MINDY2: variants seen among roughly 807,000 people sequenced by gnomAD.
The protein encoded by MINDY2 is ubiquitin carboxyl-terminal hydrolase MINDY-2.
A neutral mutation model predicts 68.2 loss-of-function variants in MINDY2; 52 were observed. The observed-to-expected ratio is 0.76, with a 90% confidence interval of 0.61 to 0.96. The LOEUF is 0.96. MINDY2 is among the 40% of genes least tolerant of loss of function. The pLI is 0.00. For missense variants in MINDY2, 881 were observed against 773.4 expected, an observed-to-expected ratio of 1.14 and a Z score of -1.65; for synonymous variants, 372 against 303.0, an observed-to-expected ratio of 1.23 and a Z score of -2.36.
intron 5 of MINDY2, among the ~76,000 whole-genome samples, chr15:58,827,254 C>A (rs139055514): frequency 4.3e-4 from 65 of 152,254 alleles, no homozygotes; most frequent in South Asian, 4.1e-3. Flanking sequence ...ATTCTTTGAA[C>A]TGTGTGAATA....
rs2140892491 is a variant in MINDY2 at position 58,860,869 on chromosome 15, A to G, written c.*6259A>G. 1 of 152,302 alleles carries G rather than the reference A, an allele frequency of 6.6e-6. No individual in the cohort carries two copies. Among genetic ancestry groups the G allele is most frequent in the Admixed American group, 6.5e-5 (1 of 15,296 alleles). The allele number at this position is 152,302 out of a possible 1,614,324, so 9.4% of individuals were successfully genotyped here. A position where few individuals can be genotyped will look rare whatever the true frequency, so the allele number is the denominator to read the frequency against. On this transcript the variant is annotated 3_prime_UTR_variant, in exon 9 of 9. Transcript: ENST00000559228. The stretch of plus-strand genomic sequence containing the variant: ...AATAAGCAGTTTTTTCAGGGTACAT[A>G]GGGTATCTTTGTTTTACAGATTTTT...
chr15:58,822,269 G>C (rs1202624177), intron 5 of MINDY2, among the ~76,000 whole-genome samples: 2 of 151,284 alleles, frequency 1.3e-5, no homozygotes, highest in Non-Finnish European at 2.9e-5. Context: ...AAAAAAAGAA[G>C]AAGAAGTAAT....
intron 6 of MINDY2, among the ~76,000 whole-genome samples, chr15:58,840,200 A>G (rs546555387): frequency 3.9e-4 from 59 of 152,312 alleles, no homozygotes; most frequent in African/African-American, 1.3e-3. Context: ...TGTGTAATCA[A>G]ACTGATCCAT....
At chr15:58,848,896 T>C (rs2032674847) in intron 7 of MINDY2, among the ~76,000 whole-genome samples, 1 of 152,068 alleles carries the variant, frequency 6.6e-6, no homozygotes, top group Non-Finnish European at 1.5e-5. Context: ...GCGAGATTTT[T>C]CTAAGCATTA....
chr15:58,847,573 T>C, intron 7 of MINDY2, 103 bp downstream of exon 7: 1 of 965,336 alleles, frequency 1.0e-6, no homozygotes, highest in Non-Finnish European at 1.5e-6. Context: ...TTCATCAATA[T>C]GCTTGTGAAA....
chr15:58,794,137 A>G (rs1350863184), intron 2 of MINDY2, among the ~76,000 whole-genome samples: 1 of 151,968 alleles, frequency 6.6e-6, no homozygotes, highest in East Asian at 1.9e-4. Flanking sequence ...GGAGGAATCT[A>G]AGGTATGAAG....
rs776928267 is a variant in MINDY2 at position 58,820,542 on chromosome 15, A to G, written c.1123-1175A>G. The stretch of plus-strand genomic sequence containing the variant: ...AATTAACTGATTGTTTACTCAACCA[A>G]TCATCAGTTCCAGTTGTATGAGTTA... On this transcript the variant is annotated intron_variant, in intron 4 of 8. Coordinates refer to ENST00000559228, the MANE Select transcript of MINDY2 (RefSeq NM_001040450.3). Among the ~76,000 whole-genome samples the G allele has an allele frequency of 6.3e-4, 96 of 152,288 alleles. 2 individuals are homozygous for G. The Middle Eastern group carries it at 0.014, about 22-fold the overall frequency.
In MINDY2 at chr15:58,858,773, C is replaced by G. The variant is rs1180022612; in HGVS notation, c.*4163C>G. 1.3e-5 allele frequency: 2 copies of G among 152,058 alleles called. No individual in the cohort carries two copies. Among genetic ancestry groups the G allele is most frequent in the East Asian group, 1.9e-4 (1 of 5,200 alleles). The allele number at this position is 152,058 out of a possible 1,614,324, so 9.4% of individuals were successfully genotyped here. A position where few individuals can be genotyped will look rare whatever the true frequency, so the allele number is the denominator to read the frequency against. ...GCATAAACTTATAATAGTAAAATTA[C>G]TAATGTTTGATAAAATAAGATGGAG... On this transcript the variant is annotated 3_prime_UTR_variant, in exon 9 of 9. Transcript: ENST00000559228.
rs576563443 is a variant in MINDY2 at position 58,813,213 on chromosome 15, C to T, written c.1122+2825C>T. The stretch of plus-strand genomic sequence containing the variant: ...GTTAAAGAGCATCTGGGTGTTTTCC[C>T]GCCGGGCACGGTGGCTCACGCCTGT... On this transcript the variant is annotated intron_variant, in intron 4 of 8. Coordinates refer to ENST00000559228, the MANE Select transcript of MINDY2 (RefSeq NM_001040450.3). 1.6e-4 allele frequency among the ~76,000 whole-genome samples: 25 copies of T among 152,002 alleles called. No homozygotes were observed. In the East Asian group the frequency reaches 2.5e-3, roughly 15 times the overall value.
intron 4 of MINDY2, among the ~76,000 whole-genome samples, chr15:58,814,986 T>C (rs189982974): frequency 4.3e-4 from 66 of 152,196 alleles, no homozygotes; most frequent in African/African-American, 1.5e-3. Context: ...TTGTCCCTTA[T>C]GCTTTTGGTG....
chr15:58,791,228 T>TATATATATAC lies in MINDY2; in HGVS notation c.898+3274_898+3275insCATATATATA, dbSNP rs1471505713. Among the ~76,000 whole-genome samples the TATATATATAC allele has an allele frequency of 9.8e-3, 226 of 23,142 alleles. 10 individuals are homozygous for TATATATATAC. The highest frequency in any genetic ancestry group is 0.011 in the Non-Finnish European group (192 of 17,556). 15.2% of individuals were successfully genotyped at this position (23,142 alleles called of 152,430 possible). On this transcript the variant is annotated intron_variant, in intron 2 of 8. Transcript: ENST00000559228. Reference sequence around the variant, plus strand: ...AGGAAAGCAATTTTATATATATATATATATATATATATATATATATATATA... The same window carrying TATATATATAC: ...AGGAAAGCAATTTTATATATATATATATATATATACATATATATATATATATATATATATA...
At chr15:58,837,287 T>C (rs1211615976) in intron 6 of MINDY2, among the ~76,000 whole-genome samples, 1 of 152,104 alleles carries the variant, frequency 6.6e-6, no homozygotes, top group African/African-American at 2.4e-5. Flanking sequence ...TTTTTAAAAA[T>C]AGAGGCTGGG....
chr15:58,853,819 T>TAAAAAA (rs10563818), intron 8 of MINDY2, among the ~76,000 whole-genome samples: 4 of 102,194 alleles, frequency 3.9e-5, no homozygotes, highest in African/African-American at 7.6e-5. Flanking sequence ...TCCATCTCAA[T>TAAAAAA]AAAAAAAAAA....
chr15:58,839,725 T>C (rs1379843197), intron 6 of MINDY2, among the ~76,000 whole-genome samples: 1 of 152,198 alleles, frequency 6.6e-6, no homozygotes, highest in Non-Finnish European at 1.5e-5. Context: ...TTGAAAAGTA[T>C]ATAGCTGTTT....
chr15:58,778,625 T>C (rs1471940759), intron 1 of MINDY2, among the ~76,000 whole-genome samples: 1 of 151,228 alleles, frequency 6.6e-6, no homozygotes, highest in African/African-American at 2.4e-5. Context: ...AAGGGCTAAT[T>C]TCCTTTTTTT....
intron 2 of MINDY2, among the ~76,000 whole-genome samples, chr15:58,795,701 G>A (rs1323375452): frequency 6.6e-6 from 1 of 152,128 alleles, no homozygotes; most frequent in East Asian, 1.9e-4. Context: ...ACTGCGCCCA[G>A]CCTATCGTAT....
rs776220227 is a variant in MINDY2 at position 58,847,441 on chromosome 15, T to C, written c.1513T>C (p.Tyr505His). The change falls in exon 7 of 9, where the codon TAC becomes CAC. Residue 505 changes from tyrosine to histidine, a missense_variant. Physicochemically the swap from Tyr to His is moderately conservative, Grantham distance 83. Coordinates refer to ENST00000559228, the MANE Select transcript of MINDY2 (RefSeq NM_001040450.3). ...LRPPSDPETV[Y>H]KGQQDQIDQD... is the part of the protein sequence containing the mutation. ...ACCTCCTTCAGATCCTGAAACTGTA[T>C]ACAAAGGACAACAAGATCAGATAGA... The C allele has an allele frequency of 5.7e-6, 9 of 1,590,710 alleles. No homozygotes were observed. Among genetic ancestry groups the C allele is most frequent in the African/African-American group, 1.3e-5 (1 of 74,710 alleles).
intron 4 of MINDY2, among the ~76,000 whole-genome samples, chr15:58,820,207 A>G: frequency 6.6e-6 from 1 of 152,176 alleles, no homozygotes; most frequent in African/African-American, 2.4e-5. Context: ...CAGAGGTTGC[A>G]GTGAGCCAAG....
In MINDY2 at chr15:58,831,041, G is replaced by GTGTGTATATA. The variant is rs565786025; in HGVS notation, c.1226-732_1226-731insGTGTATATAT. ...TGTGTGTGTGTGTGTGTGTGTGTGT[G>GTGTGTATATA]TATATATATATATATATATGTTTTA... On this transcript the variant is annotated intron_variant, in intron 5 of 8. Coordinates refer to ENST00000559228, the MANE Select transcript of MINDY2 (RefSeq NM_001040450.3). Among the ~76,000 whole-genome samples, 1,104 of 124,848 alleles carry GTGTGTATATA rather than the reference G, an allele frequency of 8.8e-3. 10 individuals carry two copies. Among genetic ancestry groups the GTGTGTATATA allele is most frequent in the Middle Eastern group, 0.025 (6 of 242 alleles). 81.9% of individuals were successfully genotyped at this position (124,848 alleles called of 152,430 possible). A position where few individuals can be genotyped will look rare whatever the true frequency, so the allele number is the denominator to read the frequency against.
Sources: allele counts gnomAD v4.1 joint callset (sites outside exome capture counted in the v4.1 genomes callset), GRCh38; gene constraint gnomAD v4.1.1; transcripts MANE v1.5; gene names NCBI Gene and HGNC (gene_info 2026-07-23, HGNC 2026-07-21).